The following EXOC4 variants were observed in gnomAD, a reference collection of about 807,000 sequenced individuals.
EXOC4 encodes the protein SEC8-like 1.
Under a neutral mutation model 107.2 loss-of-function variants are expected in EXOC4, and 71 were observed. That is an observed-to-expected ratio of 0.66 (90% CI 0.55 to 0.81). The LOEUF (loss-of-function observed/expected upper bound fraction) is 0.81. Ranked by LOEUF, EXOC4 falls within the 30% of genes least tolerant of loss-of-function variation. The pLI is 0.00. For synonymous variants in EXOC4, 456 were observed against 441.2 expected, an observed-to-expected ratio of 1.03 and a Z score of -0.42; for missense variants, 1,108 against 1,189.6, an observed-to-expected ratio of 0.93 and a Z score of 1.01.
At chr7:133,782,924 A>G (rs939731523) in intron 10 of EXOC4, among the ~76,000 whole-genome samples, 1 of 152,308 alleles carries the variant, frequency 6.6e-6, no homozygotes, top group East Asian at 1.9e-4. Flanking sequence ...ATTGGAAAGC[A>G]GGGTGTCAGA....
intron 5 of EXOC4, among the ~76,000 whole-genome samples, chr7:133,332,479 G>A (rs1164722992): frequency 6.6e-6 from 1 of 152,166 alleles, no homozygotes; most frequent in Non-Finnish European, 1.5e-5. Context: ...GCTGGGCATG[G>A]TGGTGCGTGC....
At chr7:133,946,832 C>G (rs1800562706) in intron 14 of EXOC4, among the ~76,000 whole-genome samples, 2 of 152,226 alleles carry the variant, frequency 1.3e-5, no homozygotes. Context: ...GCTGATAACA[C>G]AAGAGTTACC....
chr7:133,822,423 C>CTG lies in EXOC4; in HGVS notation c.1734+4879_1734+4880insTG, dbSNP rs1318413045. ...GGACTAATGCTTAAGGTTTTTGACC[C>CTG]CTTACCCATCAAATTGCTGAATAGG... On this transcript the variant is annotated intron_variant, in intron 11 of 17. Coordinates refer to ENST00000253861, the MANE Select transcript of EXOC4 (RefSeq NM_021807.4). Among the ~76,000 whole-genome samples, 923 of 152,196 alleles carry CTG rather than the reference C, an allele frequency of 6.1e-3. 4 individuals carry two copies. Among genetic ancestry groups the CTG allele is most frequent in the Middle Eastern group, 0.024 (7 of 294 alleles).
intron 4 of EXOC4, among the ~76,000 whole-genome samples, chr7:133,310,296 A>G (rs1794841116): frequency 6.6e-6 from 1 of 152,168 alleles, no homozygotes; most frequent in Non-Finnish European, 1.5e-5. Context: ...TGAACCCTGA[A>G]TCTACCTGCA....
At chr7:133,381,497 G>A (rs1352401730) in intron 7 of EXOC4, among the ~76,000 whole-genome samples, 1 of 152,152 alleles carries the variant, frequency 6.6e-6, no homozygotes. Flanking sequence ...AAAGGCTCAT[G>A]AGATAGTATT....
chr7:133,375,047 GT>G lies in EXOC4; in HGVS notation c.1182+48del, dbSNP rs1407542223. 6.6e-6 allele frequency: 10 copies of G among 1,526,316 alleles called. No individual in the cohort carries two copies. In the African/African-American group the frequency reaches 1.1e-4, roughly 17 times the overall value. 94.5% of individuals were successfully genotyped at this position (1,526,316 alleles called of 1,614,324 possible). A position where few individuals can be genotyped will look rare whatever the true frequency, so the allele number is the denominator to read the frequency against. ...GGTGTCATCTTGATTCAGAGTAACA[GT>G]TTAGAATAACAACAACAACAGCAAC... is the stretch of plus-strand genomic sequence containing the variant. On this transcript the variant is annotated intron_variant, in intron 7 of 17. Coordinates refer to ENST00000253861, the MANE Select transcript of EXOC4 (RefSeq NM_021807.4).
intron 3 of EXOC4, among the ~76,000 whole-genome samples, chr7:133,292,069 G>A (rs1396986716): frequency 6.6e-6 from 1 of 152,176 alleles, no homozygotes; most frequent in Non-Finnish European, 1.5e-5. Context: ...TTGTGGCCAG[G>A]CATGGTGGCC....
At position 134,007,728 on chromosome 7, in the gene EXOC4, G is replaced by A; in HGVS notation, c.2580G>A (p.Arg860=). ...TCATTAATGGTGCCCAGTACTTCAG[G>A]CGCATCAGTGAGTCTGGCATCAAGA... ...CILINGAQYF[R]RISESGIKKM... is the part of the protein sequence containing the mutation. The change falls in exon 17 of 18, where the codon AGG becomes AGA. Residue 860 remains arginine, a synonymous_variant. Coordinates refer to ENST00000253861, the MANE Select transcript of EXOC4 (RefSeq NM_021807.4). The A allele has an allele frequency of 6.2e-7, 1 of 1,613,524 alleles. No homozygotes were observed. The highest frequency in any genetic ancestry group is 1.3e-5 in the African/African-American group (1 of 74,986).
chr7:133,803,091 G>A (rs1317722575), intron 10 of EXOC4, among the ~76,000 whole-genome samples: 1 of 151,958 alleles, frequency 6.6e-6, no homozygotes, highest in African/African-American at 2.4e-5. Context: ...ATTTTTTATT[G>A]TCAGCCTTAT....
intron 12 of EXOC4, among the ~76,000 whole-genome samples, chr7:133,906,844 G>A (rs867618328): frequency 3.3e-5 from 5 of 152,182 alleles, no homozygotes; most frequent in South Asian, 2.1e-4. Flanking sequence ...ATAAGTGTCC[G>A]GGTTCGTCCT....
chr7:133,732,118 G>T (rs1302685146), intron 10 of EXOC4, among the ~76,000 whole-genome samples: 2 of 152,110 alleles, frequency 1.3e-5, no homozygotes, highest in East Asian at 1.9e-4. Flanking sequence ...GTCATAAAAA[G>T]GAACAAGATC....
intron 10 of EXOC4, among the ~76,000 whole-genome samples, chr7:133,648,380 A>G (rs1200599254): frequency 6.6e-6 from 1 of 152,148 alleles, no homozygotes; most frequent in African/African-American, 2.4e-5. Context: ...ACACTTCCCT[A>G]CATTTCGTGG....
At chr7:133,694,782 A>T (rs1207372839) in intron 10 of EXOC4, among the ~76,000 whole-genome samples, 1 of 152,074 alleles carries the variant, frequency 6.6e-6, no homozygotes, top group Non-Finnish European at 1.5e-5. Flanking sequence ...ACCCTATTGC[A>T]CCATCATACT....
At chr7:133,965,091 C>G (rs998062879) in intron 14 of EXOC4, among the ~76,000 whole-genome samples, 1 of 152,198 alleles carries the variant, frequency 6.6e-6, no homozygotes, top group Non-Finnish European at 1.5e-5. Flanking sequence ...TGATGATGAG[C>G]TTTTTTTCAT....
At chr7:133,740,300 G>T (rs924669373) in intron 10 of EXOC4, among the ~76,000 whole-genome samples, 1 of 152,120 alleles carries the variant, frequency 6.6e-6, no homozygotes, top group Non-Finnish European at 1.5e-5. Flanking sequence ...AAAACTGTAG[G>T]ACCATAAAAT....
intron 11 of EXOC4, among the ~76,000 whole-genome samples, chr7:133,893,477 A>C (rs1161522801): frequency 1.8e-5 from 1 of 56,902 alleles, no homozygotes. Context: ...TTATGATGTT[A>C]GCTGGTGATT....
chr7:133,458,348 C>A (rs1563073617), intron 7 of EXOC4, among the ~76,000 whole-genome samples: 1 of 152,218 alleles, frequency 6.6e-6, no homozygotes, highest in Non-Finnish European at 1.5e-5. Flanking sequence ...GTTTTGCTTT[C>A]AACTGTGATG....
At chr7:133,886,261 G>A (rs1210961365) in intron 11 of EXOC4, among the ~76,000 whole-genome samples, 4 of 152,106 alleles carry the variant, frequency 2.6e-5, no homozygotes, top group Admixed American at 1.3e-4. Flanking sequence ...ACACCACTTC[G>A]GTTTTCTTTG....
intron 9 of EXOC4, among the ~76,000 whole-genome samples, chr7:133,613,306 A>G (rs1405455947): frequency 6.6e-6 from 1 of 152,224 alleles, no homozygotes; most frequent in Non-Finnish European, 1.5e-5. Flanking sequence ...AATTAACTAC[A>G]GTGCATACTG....
Sources: allele counts gnomAD v4.1 joint callset (sites outside exome capture counted in the v4.1 genomes callset), GRCh38; gene constraint gnomAD v4.1.1; transcripts MANE v1.5; gene names NCBI Gene and HGNC (gene_info 2026-07-23, HGNC 2026-07-21).